Variants in MACC1 observed in about 807,000 individuals in gnomAD.
MACC1 encodes the protein metastasis-associated in colon cancer protein 1.
MACC1 carries 79 observed loss-of-function variants against 70.7 expected under a neutral mutation model. The observed-to-expected ratio is 1.12, with a 90% CI of 0.93 to 1.35. MACC1 has a LOEUF of 1.35. MACC1 is among the 40% of genes most tolerant of loss of function. The probability of loss-of-function intolerance (pLI) is 0.00; values close to 1 mark genes in which losing one functional copy is unlikely to be tolerated. For synonymous variants in MACC1, 361 were observed against 347.2 expected, an observed-to-expected ratio of 1.04 and a Z score of -0.44; for missense variants, 1,106 against 978.1, an observed-to-expected ratio of 1.13 and a Z score of -1.74.
intron 1 of MACC1, among the ~76,000 whole-genome samples, chr7:20,184,514 A>T (rs529774690): frequency 3.4e-4 from 52 of 152,350 alleles, no homozygotes; most frequent in African/African-American, 1.2e-3. Flanking sequence ...TTCACTAAAA[A>T]ATAGAAGCAA....
At chr7:20,150,554 C>T (rs1409662162) in intron 6 of MACC1, 2 of 152,180 alleles carry the variant, frequency 1.3e-5, no homozygotes, top group South Asian at 2.1e-4. Flanking sequence ...TACAAATAGA[C>T]TTAAAATACA....
chr7:20,169,863 A>AC (rs1782277635), intron 2 of MACC1, among the ~76,000 whole-genome samples: 1 of 152,244 alleles, frequency 6.6e-6, no homozygotes, highest in Non-Finnish European at 1.5e-5. Flanking sequence ...AAAAAGTGGC[A>AC]CAAGAGGACC....
At chr7:20,193,402 T>C (rs1782701113) in intron 1 of MACC1, among the ~76,000 whole-genome samples, 1 of 152,180 alleles carries the variant, frequency 6.6e-6, no homozygotes, top group African/African-American at 2.4e-5. Flanking sequence ...GTGATTACAG[T>C]ATAAAAATGT....
intron 1 of MACC1, among the ~76,000 whole-genome samples, chr7:20,176,365 C>G (rs1782393072): frequency 6.6e-6 from 1 of 152,028 alleles, no homozygotes; most frequent in African/African-American, 2.4e-5. Context: ...ATTAATCTGT[C>G]AAGTCTCACT....
chr7:20,207,395 T>C (rs1043501542), intron 1 of MACC1, among the ~76,000 whole-genome samples: 6 of 151,944 alleles, frequency 3.9e-5, no homozygotes, highest in African/African-American at 1.4e-4. Flanking sequence ...CAGGTGATCC[T>C]CCCACTTCTG....
intron 1 of MACC1, among the ~76,000 whole-genome samples, chr7:20,180,450 G>GA (rs529354728): frequency 9.8e-4 from 127 of 129,856 alleles, no homozygotes; most frequent in African/African-American, 2.8e-3. Flanking sequence ...TAAAAAAAAG[G>GA]AAAAAAAAAA....
At chr7:20,216,435 C>T (rs971052449) in intron 1 of MACC1, among the ~76,000 whole-genome samples, 7 of 152,032 alleles carry the variant, frequency 4.6e-5, no homozygotes, top group African/African-American at 1.7e-4. Flanking sequence ...AATATATTTA[C>T]ATTATTGTAC....
At chr7:20,201,273 TG>T (rs1245518050) in intron 1 of MACC1, among the ~76,000 whole-genome samples, 1 of 152,130 alleles carries the variant, frequency 6.6e-6, no homozygotes, top group African/African-American at 2.4e-5. Context: ...ATTTATGAAA[TG>T]GGTTCTGAAG....
intron 1 of MACC1, among the ~76,000 whole-genome samples, chr7:20,193,922 T>C (rs568656589): frequency 6.6e-6 from 1 of 152,282 alleles, no homozygotes; most frequent in South Asian, 2.1e-4. Flanking sequence ...GAAGCCATGT[T>C]TAAAGAAAAC....
At chr7:20,197,328 A>C (rs76983462) in intron 1 of MACC1, among the ~76,000 whole-genome samples, 1 of 152,056 alleles carries the variant, frequency 6.6e-6, no homozygotes, top group Admixed American at 6.5e-5. Flanking sequence ...TTTCCTTTCA[A>C]CTGCTGCTGT....
At chr7:20,171,918 A>C (rs1280420758) in intron 1 of MACC1, among the ~76,000 whole-genome samples, 2 of 152,210 alleles carry the variant, frequency 1.3e-5, no homozygotes. Flanking sequence ...AGAAGTCTGG[A>C]GGAAAAAGCT....
At chr7:20,171,452 C>T (rs1782305383) in intron 1 of MACC1, among the ~76,000 whole-genome samples, 1 of 151,314 alleles carries the variant, frequency 6.6e-6, no homozygotes, top group Non-Finnish European at 1.5e-5. Flanking sequence ...GACGGAATTT[C>T]ACCGTGTTAG....
At chr7:20,204,976 T>C (rs900097702) in intron 1 of MACC1, among the ~76,000 whole-genome samples, 1 of 152,202 alleles carries the variant, frequency 6.6e-6, no homozygotes, top group African/African-American at 2.4e-5. Context: ...TATAATTAAA[T>C]TTAGATCTAT....
intron 1 of MACC1, among the ~76,000 whole-genome samples, chr7:20,187,950 G>T (rs1038121586): frequency 1.6e-4 from 25 of 152,278 alleles, no homozygotes; most frequent in African/African-American, 6.0e-4. Flanking sequence ...AAGGAAAGAG[G>T]TTTAATTGAC....
intron 4 of MACC1, among the ~76,000 whole-genome samples, chr7:20,160,953 CA>C (rs1782131194): frequency 6.6e-6 from 1 of 152,010 alleles, no homozygotes; most frequent in Admixed American, 6.5e-5. Flanking sequence ...CTCAAGCTTG[CA>C]ATGGCAAATA....
intron 1 of MACC1, among the ~76,000 whole-genome samples, chr7:20,178,772 G>C (rs1001581882): frequency 1.3e-4 from 20 of 151,952 alleles, no homozygotes; most frequent in African/African-American, 4.1e-4. Context: ...GGCTAATTTT[G>C]TATTTTTAGT....
intron 1 of MACC1, among the ~76,000 whole-genome samples, chr7:20,208,770 T>A (rs1017719422): frequency 1.3e-5 from 2 of 152,128 alleles, no homozygotes; most frequent in Non-Finnish European, 2.9e-5. Flanking sequence ...CCGGGGCATG[T>A]CAGAGACTTC....
chr7:20,194,991 G>C (rs1282942982), intron 1 of MACC1, among the ~76,000 whole-genome samples: 1 of 152,052 alleles, frequency 6.6e-6, no homozygotes, highest in East Asian at 1.9e-4. Context: ...GAAAAAGCTT[G>C]CCCATTATGT....
chr7:20,170,232 T>A (rs763182512), intron 2 of MACC1: 3 of 152,242 alleles, frequency 2.0e-5, no homozygotes, highest in Non-Finnish European at 4.4e-5. Context: ...GAGGGTAAAA[T>A]ATTGTCTTCA....
Sources: allele counts gnomAD v4.1 joint callset (sites outside exome capture counted in the v4.1 genomes callset), GRCh38; gene constraint gnomAD v4.1.1; transcripts MANE v1.5; gene names NCBI Gene and HGNC (gene_info 2026-07-23, HGNC 2026-07-21).